The following TPTE2 variants were observed in gnomAD, a reference collection of about 807,000 sequenced individuals.
The protein encoded by TPTE2 is transmembrane phosphoinositide 3-phosphatase and tensin homolog 2, also known as phosphatidylinositol 3,4,5-trisphosphate 3-phosphatase TPTE2.
TPTE2 carries 53 observed loss-of-function variants against 78.6 expected under a neutral mutation model. That is an observed-to-expected ratio of 0.67 (90% CI 0.54 to 0.85). The LOEUF (loss-of-function observed/expected upper bound fraction) is 0.85. Among genes scored for constraint, TPTE2 ranks in the 40% least tolerant of loss-of-function variants. The pLI is 0.00. For missense variants in TPTE2, 461 were observed against 623.0 expected (o/e 0.74, Z 2.77); for synonymous variants, 175 against 206.2 (o/e 0.85, Z 1.30).
chr13:19,551,364 C>T, the TPTE2 span, among the ~76,000 whole-genome samples: 99,162 of 151,980 alleles, frequency 0.65, 34,856 homozygotes, highest in East Asian at 0.88. Flanking sequence ...CCAAGGTGGA[C>T]GGATTACCTG....
chr13:19,443,779 C>G (rs7329048), intron 13 of TPTE2, among the ~76,000 whole-genome samples: 97,409 of 146,110 alleles, frequency 0.67, 35,162 homozygotes, highest in East Asian at 0.92. Context: ...CACACACACA[C>G]AGTCGTTAAG....
chr13:19,468,117 T>C (rs1333653853), intron 6 of TPTE2, among the ~76,000 whole-genome samples: 2 of 121,822 alleles, frequency 1.6e-5, no homozygotes, highest in Non-Finnish European at 3.2e-5. Flanking sequence ...CTCGGCTCAC[T>C]GCAACCTCCA....
At chr13:19,560,827 G>A in the TPTE2 span, 21 of 1,534,890 alleles carry the variant, frequency 1.4e-5, no homozygotes, top group Admixed American at 1.9e-5. Context: ...ACGCGGTCCA[G>A]GCGCGCTCCC....
intron 15 of TPTE2, among the ~76,000 whole-genome samples, chr13:19,435,176 TG>T (rs1763971243): frequency 6.6e-6 from 1 of 152,256 alleles, no homozygotes; most frequent in Non-Finnish European, 1.5e-5. Context: ...GTGTGGACTT[TG>T]TTTGAATTCT....
chr13:19,501,899 CT>C (rs1868586291), intron 1 of TPTE2, among the ~76,000 whole-genome samples: 1 of 151,268 alleles, frequency 6.6e-6, no homozygotes, highest in Admixed American at 6.6e-5. Flanking sequence ...ACCTACTCAT[CT>C]GATAAAGGGC....
chr13:19,448,342 A>G (rs1476832208), intron 13 of TPTE2, among the ~76,000 whole-genome samples: 3 of 152,352 alleles, frequency 2.0e-5, no homozygotes, highest in Admixed American at 6.5e-5. Flanking sequence ...TATCAAACTA[A>G]AACACTTTTG....
At chr13:19,497,517 G>A (rs1881437211) in intron 1 of TPTE2, among the ~76,000 whole-genome samples, 1 of 84,000 alleles carries the variant, frequency 1.2e-5, no homozygotes, top group Non-Finnish European at 3.1e-5. Context: ...GCCTAACTGG[G>A]AGGCACCCCC....
upstream of TPTE2, among the ~76,000 whole-genome samples, chr13:19,507,311 A>AT (rs1053757262): frequency 4.0e-5 from 6 of 151,334 alleles, no homozygotes; most frequent in Admixed American, 3.9e-4. Context: ...TTCTAAAAAA[A>AT]AAAAAAAAAA....
intron 3 of TPTE2, among the ~76,000 whole-genome samples, chr13:19,483,096 G>T (rs1376929277): frequency 6.6e-6 from 1 of 152,226 alleles, no homozygotes; most frequent in Admixed American, 6.5e-5. Context: ...GATCACCTAA[G>T]CCTTTAGCAA....
At chr13:19,492,805 A>G (rs1311402966) in intron 3 of TPTE2, 45 bp downstream of exon 6, 5 of 1,610,816 alleles carry the variant, frequency 3.1e-6, no homozygotes, top group Non-Finnish European at 3.4e-6. Context: ...GTACAGCTCT[A>G]TGCACTCTTA....
At chr13:19,453,319 G>A (rs1593364831) in intron 10 of TPTE2, among the ~76,000 whole-genome samples, 1 of 151,814 alleles carries the variant, frequency 6.6e-6, no homozygotes, top group Non-Finnish European at 1.5e-5. Flanking sequence ...GTGAGCCACC[G>A]TGCCCATCCC....
At chr13:19,457,970 C>T (rs7489914) in intron 10 of TPTE2, among the ~76,000 whole-genome samples, 111,657 of 152,016 alleles carry the variant, frequency 0.73, 43,884 homozygotes, top group East Asian at 0.96. Flanking sequence ...AATACAGGTG[C>T]ATCTTGCTTG....
At chr13:19,536,329 C>G (rs576551447) in intron 1 of TPTE2, among the ~76,000 whole-genome samples, 14 of 152,070 alleles carry the variant, frequency 9.2e-5, no homozygotes, top group African/African-American at 2.4e-4. Context: ...ATAACATATA[C>G]TATAATTATA....
chr13:19,461,821 G>C (rs962851289), intron 10 of TPTE2, among the ~76,000 whole-genome samples: 1 of 151,766 alleles, frequency 6.6e-6, no homozygotes, highest in Non-Finnish European at 1.5e-5. Context: ...GGCTACCTCT[G>C]CTCGCTTTTG....
upstream of TPTE2, among the ~76,000 whole-genome samples, chr13:19,507,066 C>T (rs543919075): frequency 2.6e-5 from 4 of 152,132 alleles, no homozygotes; most frequent in South Asian, 6.2e-4. Flanking sequence ...TTAACATTTG[C>T]GTGTATCTTT....
intron 10 of TPTE2, among the ~76,000 whole-genome samples, chr13:19,454,636 G>T (rs980376652): frequency 6.6e-6 from 1 of 152,122 alleles, no homozygotes; most frequent in African/African-American, 2.4e-5. Flanking sequence ...GATTAAAAAT[G>T]GTTAAGGAAT....
intron 15 of TPTE2, 55 bp downstream of exon 18, chr13:19,436,171 G>A (rs1476472545): frequency 2.1e-6 from 3 of 1,413,122 alleles, no homozygotes; most frequent in African/African-American, 1.4e-5. Flanking sequence ...AATAACAGGT[G>A]GCAATCTTAA....
the TPTE2 span, among the ~76,000 whole-genome samples, chr13:19,542,041 C>T: frequency 6.6e-6 from 1 of 152,108 alleles, no homozygotes; most frequent in Non-Finnish European, 1.5e-5. Context: ...ATTTTGATAA[C>T]ATAGTTTTGA....
upstream of TPTE2, among the ~76,000 whole-genome samples, chr13:19,506,337 A>G (rs931170213): frequency 1.3e-5 from 2 of 149,870 alleles, no homozygotes; most frequent in Non-Finnish European, 3.0e-5. Flanking sequence ...ACGCCCGGCT[A>G]ATTTTTTTTG....
Sources: allele counts gnomAD v4.1 joint callset (sites outside exome capture counted in the v4.1 genomes callset), GRCh38; gene constraint gnomAD v4.1.1; transcripts MANE v1.5; gene names NCBI Gene and HGNC (gene_info 2026-07-23, HGNC 2026-07-21).